The following KIAA1958 variants were observed in gnomAD, a reference collection of about 807,000 sequenced individuals.
The protein encoded by KIAA1958 is KIAA1958, also known as uncharacterized protein KIAA1958.
A neutral mutation model predicts 47.2 loss-of-function variants in KIAA1958; 14 were observed. The ratio of observed to expected loss-of-function variants is 0.30; its 90% CI spans 0.20 to 0.46. KIAA1958 has a LOEUF of 0.46. KIAA1958 is among the 20% of genes least tolerant of loss of function. The pLI is 1.00. For synonymous variants in KIAA1958, 354 were observed against 353.3 expected (o/e 1.00, Z -0.02); for missense variants, 803 against 909.2 (o/e 0.88, Z 1.50).
chr9:112,525,669 C>CT (rs1205930208), intron 1 of KIAA1958, among the ~76,000 whole-genome samples: 1 of 151,876 alleles, frequency 6.6e-6, no homozygotes, highest in African/African-American at 2.4e-5. Flanking sequence ...TTACTTAGTT[C>CT]TTTTTTATGT....
chr9:112,646,963 A>C (rs866171464), intron 3 of KIAA1958, among the ~76,000 whole-genome samples: 2 of 152,366 alleles, frequency 1.3e-5, no homozygotes, highest in Middle Eastern at 6.8e-3. Flanking sequence ...TAAAGCTGGA[A>C]GTATACATTG....
In KIAA1958 at chr9:112,659,660, G is replaced by T; in HGVS notation, c.1742G>T (p.Gly581Val). ...TLQEHADLMY[G>V]DIELLKDPQN... ...CAGGAGCATGCGGATCTGATGTATGGTGACATCGAGCTGCTCAAAGACCCC... is the reference window on the plus strand; with the variant it reads ...CAGGAGCATGCGGATCTGATGTATGTTGACATCGAGCTGCTCAAAGACCCC... The change falls in exon 4 of 4, where the codon GGT becomes GTT. Residue 581 changes from glycine to valine, a missense_variant. Physicochemically the swap from Gly to Val is moderately radical, Grantham distance 109. This residue lies in a region of KIAA1958 where 761 missense variants were observed against 829.3 expected (regional missense o/e 0.92). Coordinates refer to ENST00000337530, the MANE Select transcript of KIAA1958 (RefSeq NM_133465.4). 6.2e-7 allele frequency: 1 copy of T among 1,614,158 alleles called. No individual in the cohort carries two copies. The highest frequency in any genetic ancestry group is 8.5e-7 in the Non-Finnish European group (1 of 1,180,036).
chr9:112,654,806 G>A (rs1837121012), intron 3 of KIAA1958, among the ~76,000 whole-genome samples: 1 of 151,880 alleles, frequency 6.6e-6, no homozygotes, highest in Non-Finnish European at 1.5e-5. Flanking sequence ...CTTATAGTTT[G>A]CATACAACTA....
intron 2 of KIAA1958, among the ~76,000 whole-genome samples, chr9:112,639,940 A>G (rs1045434172): frequency 2.6e-5 from 4 of 152,240 alleles, no homozygotes; most frequent in Middle Eastern, 3.2e-3. Context: ...ATAGATTCCA[A>G]TGCTCTAGTA....
chr9:112,565,068 T>C (rs907717639), intron 1 of KIAA1958, among the ~76,000 whole-genome samples: 1 of 152,260 alleles, frequency 6.6e-6, no homozygotes, highest in Non-Finnish European at 1.5e-5. Flanking sequence ...TGTATTATTG[T>C]TCTACTGAAA....
chr9:112,515,979 TAAAG>T (rs1834426395), intron 1 of KIAA1958, among the ~76,000 whole-genome samples: 1 of 133,176 alleles, frequency 7.5e-6, no homozygotes, highest in Non-Finnish European at 1.6e-5. Context: ...GACAGTGAAA[TAAAG>T]GAAGATAAAG....
intron 2 of KIAA1958, among the ~76,000 whole-genome samples, chr9:112,642,850 G>A (rs944842746): frequency 3.3e-5 from 5 of 152,082 alleles, no homozygotes; most frequent in African/African-American, 4.8e-5. Flanking sequence ...AATCATGAAC[G>A]AACCATATAT....
chr9:112,612,159 A>G (rs1035201245), intron 2 of KIAA1958, among the ~76,000 whole-genome samples: 6 of 152,264 alleles, frequency 3.9e-5, no homozygotes, highest in African/African-American at 1.4e-4. Flanking sequence ...TGTAATCCCA[A>G]TGCTTTGGGA....
At chr9:112,643,827 G>C (rs1836932288) in intron 2 of KIAA1958, among the ~76,000 whole-genome samples, 1 of 152,070 alleles carries the variant, frequency 6.6e-6, no homozygotes, top group Admixed American at 6.6e-5. Flanking sequence ...TGTGAGGAAA[G>C]GTTATGTAAA....
At chr9:112,630,176 A>C (rs1384260460) in intron 2 of KIAA1958, among the ~76,000 whole-genome samples, 1 of 152,218 alleles carries the variant, frequency 6.6e-6, no homozygotes, top group African/African-American at 2.4e-5. Flanking sequence ...TAAAGGATCT[A>C]CAGTTGAATT....
chr9:112,571,275 C>T (rs1242589914), intron 1 of KIAA1958, among the ~76,000 whole-genome samples: 3 of 152,188 alleles, frequency 2.0e-5, no homozygotes, highest in Admixed American at 6.5e-5. Flanking sequence ...ATATGCATTT[C>T]CTTAAACCAT....
Position 112,618,483 on chromosome 9 carries a change from A to G in KIAA1958, c.1172-27167A>G. The G allele has an allele frequency of 6.4e-7, 1 of 1,550,806 alleles. No individual in the cohort carries two copies. The highest frequency in any genetic ancestry group is 8.7e-7 in the Non-Finnish European group (1 of 1,147,036). Reference sequence around the variant, plus strand: ...CAGGACACTGGAGACTTGAATGCCAAAACCAAGAGAGGGGGGACAGACTCC... The same window carrying G: ...CAGGACACTGGAGACTTGAATGCCAGAACCAAGAGAGGGGGGACAGACTCC... On this transcript the variant is annotated intron_variant, in intron 2 of 3. Coordinates refer to ENST00000337530, the MANE Select transcript of KIAA1958 (RefSeq NM_133465.4). The surrounding 1 kb of genome is among the most constrained non-coding windows in gnomAD (Gnocchi z 7.1).
intron 1 of KIAA1958, among the ~76,000 whole-genome samples, chr9:112,564,382 A>C (rs1210789189): frequency 6.6e-6 from 1 of 152,168 alleles, no homozygotes; most frequent in East Asian, 1.9e-4. Flanking sequence ...TAGTGGCATT[A>C]AAACACAGCA....
chr9:112,557,663 A>G lies in KIAA1958; in HGVS notation c.-24-16394A>G, dbSNP rs116471885. Among the ~76,000 whole-genome samples, 536 of 152,332 alleles carry G rather than the reference A, an allele frequency of 3.5e-3. 5 individuals carry two copies. The highest frequency in any genetic ancestry group is 0.012 in the African/African-American group (505 of 41,570). On this transcript the variant is annotated intron_variant, in intron 1 of 3. Transcript: ENST00000337530. ...ACTGATGAACCTAGTTTTAAGGTCA[A>G]AGCAAGGGCGATGAGCCAGTGACAG...
At chr9:112,644,519 C>T (rs539565279) in intron 2 of KIAA1958, among the ~76,000 whole-genome samples, 1 of 152,266 alleles carries the variant, frequency 6.6e-6, no homozygotes, top group South Asian at 2.1e-4. Flanking sequence ...GATGCTCTAC[C>T]TTGACTTACA....
chr9:112,521,471 C>T (rs1457349888), intron 1 of KIAA1958, among the ~76,000 whole-genome samples: 2 of 152,110 alleles, frequency 1.3e-5, no homozygotes, highest in Non-Finnish European at 2.9e-5. Flanking sequence ...ACGTTGGCCT[C>T]CCAAAGAGCT....
chr9:112,625,036 C>CCTT (rs10672998), intron 2 of KIAA1958, among the ~76,000 whole-genome samples: 145,955 of 152,212 alleles, frequency 0.96, 70,026 homozygotes, highest in African/African-American at 0.99. Flanking sequence ...CCCCTCCCCT[C>CCTT]CTTTGAGACT....
At chr9:112,502,474 G>T (rs1396829323) in intron 1 of KIAA1958, among the ~76,000 whole-genome samples, 2 of 126,230 alleles carry the variant, frequency 1.6e-5, no homozygotes, top group African/African-American at 6.0e-5. Context: ...GCTTTAATGT[G>T]TTCTCCAAAG....
chr9:112,504,784 A>G (rs564445746), intron 1 of KIAA1958, among the ~76,000 whole-genome samples: 3 of 152,270 alleles, frequency 2.0e-5, no homozygotes, highest in African/African-American at 4.8e-5. Flanking sequence ...TTATGTATGT[A>G]TGTGTGTCTA....
Sources: allele counts gnomAD v4.1 joint callset (sites outside exome capture counted in the v4.1 genomes callset), GRCh38; gene constraint gnomAD v4.1.1; regional missense constraint gnomAD v4.1.1; non-coding constraint Gnocchi (gnomAD v3.1); transcripts MANE v1.5; gene names NCBI Gene and HGNC (gene_info 2026-07-23, HGNC 2026-07-21).